TCERG1L: variants seen among roughly 807,000 people sequenced by gnomAD.
The protein encoded by TCERG1L is transcription elongation regulator 1-like protein.
Under a neutral mutation model 56.3 loss-of-function variants are expected in TCERG1L, and 37 were observed. The observed-to-expected ratio is 0.66, with a 90% CI of 0.51 to 0.87. The LOEUF is 0.87. Among genes scored for constraint, TCERG1L ranks in the 40% least tolerant of loss-of-function variants. The probability of loss-of-function intolerance (pLI) is 0.00; values close to 1 mark genes in which losing one functional copy is unlikely to be tolerated. For missense variants in TCERG1L, 799 were observed against 774.2 expected (o/e 1.03, Z -0.38); for synonymous variants, 324 against 326.3 (o/e 0.99, Z 0.08).
chr10:131,311,671 G>T lies in TCERG1L; in HGVS notation c.-36C>A, dbSNP rs1470203798. ...CGCGCTGACGGCGGCGGCGGGGGCG[G>T]CGGGCGCCCGAGATGCTGGGCCGGC... On this transcript the variant is annotated 5_prime_UTR_variant, in exon 1 of 12. Coordinates refer to ENST00000368642, the MANE Select transcript of TCERG1L (RefSeq NM_174937.4). The surrounding 1 kb of genome is among the most constrained non-coding windows in gnomAD (Gnocchi z 4.0). 15 of 1,063,482 alleles carry T rather than the reference G, an allele frequency of 1.4e-5. No homozygotes were observed. Among genetic ancestry groups the T allele is most frequent in the Non-Finnish European group, 1.7e-5 (15 of 871,372 alleles). The allele number at this position is 1,063,482 out of a possible 1,614,324, so 65.9% of individuals were successfully genotyped here.
intron 7 of TCERG1L, among the ~76,000 whole-genome samples, chr10:131,137,719 T>C (rs1049230668): frequency 1.3e-5 from 2 of 152,238 alleles, no homozygotes; most frequent in African/African-American, 4.8e-5. Context: ...GTTTTAAACA[T>C]TGGTTTGTTT....
chr10:131,124,234 T>C (rs1172705161), intron 8 of TCERG1L, among the ~76,000 whole-genome samples: 2 of 152,162 alleles, frequency 1.3e-5, no homozygotes, highest in Non-Finnish European at 2.9e-5. Context: ...GCCAGGCTCC[T>C]GAGCTGCGGG....
At chr10:131,301,238 C>T (rs995039766) in intron 3 of TCERG1L, among the ~76,000 whole-genome samples, 2 of 152,022 alleles carry the variant, frequency 1.3e-5, no homozygotes, top group African/African-American at 4.8e-5. Flanking sequence ...ACTCCTTCTG[C>T]TTTTAACAAA....
At chr10:131,176,823 C>CGTGTACACACAGGCACACACAAAG (rs1564808092) in intron 4 of TCERG1L, among the ~76,000 whole-genome samples, 7 of 3,260 alleles carry the variant, frequency 2.1e-3, no homozygotes, top group Admixed American at 0.012. Flanking sequence ...CATGCACACA[C>CGTGTACACACAGGCACACACAAAG]AGACACGTGT....
chr10:131,220,775 G>A (rs72841329), intron 4 of TCERG1L, among the ~76,000 whole-genome samples: 3,272 of 152,312 alleles, frequency 0.021, 67 homozygotes, highest in Non-Finnish European at 0.035. Flanking sequence ...CCAAACCCTT[G>A]GCAGTGGTCC....
chr10:131,296,907 G>A (rs1158372922), intron 3 of TCERG1L, among the ~76,000 whole-genome samples: 1 of 152,014 alleles, frequency 6.6e-6, no homozygotes, highest in Admixed American at 6.6e-5. Context: ...AGTAATACAG[G>A]GGTACAATTG....
At chr10:131,115,589 C>G (rs61862989) in intron 9 of TCERG1L, among the ~76,000 whole-genome samples, 10,716 of 106,634 alleles carry the variant, frequency 0.1, 474 homozygotes, top group Middle Eastern at 0.13. Context: ...ATTGCAGTCA[C>G]CAGCTCACAC....
intron 8 of TCERG1L, among the ~76,000 whole-genome samples, chr10:131,120,245 C>T (rs114334228): frequency 1.5e-3 from 222 of 152,286 alleles, no homozygotes; most frequent in African/African-American, 5.1e-3. Context: ...TCTGATTTTG[C>T]CCATGTGCAG....
intron 7 of TCERG1L, among the ~76,000 whole-genome samples, chr10:131,136,739 G>GC (rs1231229193): frequency 2.6e-5 from 4 of 151,442 alleles, no homozygotes; most frequent in African/African-American, 4.8e-5. Context: ...CAAGTGATTC[G>GC]CCCCCCTCAG....
intron 4 of TCERG1L, among the ~76,000 whole-genome samples, chr10:131,208,334 C>A (rs1455568971): frequency 1.3e-5 from 2 of 152,192 alleles, no homozygotes; most frequent in Non-Finnish European, 2.9e-5. Context: ...GAGTGCGAAG[C>A]CTCAGAGGGG....
chr10:131,182,100 G>T (rs1845185680), intron 4 of TCERG1L, among the ~76,000 whole-genome samples: 1 of 152,122 alleles, frequency 6.6e-6, no homozygotes, highest in South Asian at 2.1e-4. Flanking sequence ...CATAGCATGG[G>T]TGTGTGCATG....
rs113223912 is a variant in TCERG1L, at chr10:131,102,276, G to A, written c.1485+1989C>T. Among the ~76,000 whole-genome samples, 219 of 152,266 alleles carry A rather than the reference G, an allele frequency of 1.4e-3. 1 individual carries two copies. The highest frequency in any genetic ancestry group is 4.8e-3 in the African/African-American group (200 of 41,546). On this transcript the variant is annotated intron_variant, in intron 10 of 11. Coordinates refer to ENST00000368642, the MANE Select transcript of TCERG1L (RefSeq NM_174937.4). ...TCTGTATTCCAAGGCAGTCAATCCC[G>A]GGAACACGTCACACTGCCCGGCCTA...
chr10:131,182,552 G>A lies in TCERG1L; in HGVS notation c.857-15667C>T, dbSNP rs536964988. Among the ~76,000 whole-genome samples, 3 of 152,350 alleles carry A rather than the reference G, an allele frequency of 2.0e-5. No individual in the cohort carries two copies. The East Asian group carries it at 5.8e-4, about 29-fold the overall frequency. On this transcript the variant is annotated intron_variant, in intron 4 of 11. Transcript: ENST00000368642. ...TGCCCTTGCACAAAAGTGAACTCAT[G>A]CTTCTCGGAACTCTGCATGACCAAA... is the stretch of plus-strand genomic sequence containing the variant.
At position 131,260,713 on chromosome 10, in the gene TCERG1L, C is replaced by T. The variant is rs78918440; in HGVS notation, c.671-269G>A. Among the ~76,000 whole-genome samples the T allele has an allele frequency of 1.3e-3, 202 of 152,280 alleles. 1 individual carries two copies. In the East Asian group the frequency reaches 0.018, roughly 13 times the overall value. Reference sequence around the variant, plus strand: ...TGCAAGGCTTACAGTCACCAGGGGACGAGCCAGGACCCGGGTGCCTTAAAG... The same window carrying T: ...TGCAAGGCTTACAGTCACCAGGGGATGAGCCAGGACCCGGGTGCCTTAAAG... On this transcript the variant is annotated intron_variant, in intron 3 of 11. Coordinates refer to ENST00000368642, the MANE Select transcript of TCERG1L (RefSeq NM_174937.4). This position sits in a 1 kb window ranked among gnomAD's most constrained non-coding sequence, Gnocchi z 5.8.
intron 4 of TCERG1L, among the ~76,000 whole-genome samples, chr10:131,256,984 GGAAGGAAGGAAAGAAAGAAA>G (rs1174523174): frequency 0.018 from 1,587 of 87,948 alleles, 20 homozygotes; most frequent in Non-Finnish European, 0.027. Flanking sequence ...AAGGAAGGAA[GGAAGGAAGGAAAGAAAGAAA>G]GAAAGAAAGA....
rs528882011 is a variant in TCERG1L at position 131,226,188 on chromosome 10, G to A, written c.856+34071C>T. 8.1e-4 allele frequency among the ~76,000 whole-genome samples: 123 copies of A among 152,252 alleles called. 1 individual carries two copies. Among genetic ancestry groups the A allele is most frequent in the African/African-American group, 2.4e-3 (99 of 41,558 alleles). ...ACTCCTGGGCTCAAGCAATCCGCCC[G>A]CCTCAGCTTCCCAAAGTGCTGGGAA... is the stretch of plus-strand genomic sequence containing the variant. On this transcript the variant is annotated intron_variant, in intron 4 of 11. Coordinates refer to ENST00000368642, the MANE Select transcript of TCERG1L (RefSeq NM_174937.4).
chr10:131,179,752 G>C (rs936254500), intron 4 of TCERG1L, among the ~76,000 whole-genome samples: 1 of 152,194 alleles, frequency 6.6e-6, no homozygotes, highest in Non-Finnish European at 1.5e-5. Context: ...CACCATGACA[G>C]AAGCAGCTGC....
intron 4 of TCERG1L, among the ~76,000 whole-genome samples, chr10:131,209,483 A>C (rs945165014): frequency 6.7e-6 from 1 of 149,628 alleles, no homozygotes; most frequent in African/African-American, 2.4e-5. Context: ...TCACTGTTAG[A>C]ACTTTAATGA....
At chr10:131,112,037 C>T (rs1417024413) in intron 9 of TCERG1L, among the ~76,000 whole-genome samples, 1 of 142,784 alleles carries the variant, frequency 7.0e-6, no homozygotes, top group Non-Finnish European at 1.6e-5. Flanking sequence ...TTCTTTCTGC[C>T]TCCCCTGGTC....
Sources: gnomAD v4.1 joint callset for allele counts (sites outside exome capture counted in the v4.1 genomes callset) on GRCh38, gnomAD v4.1.1 for gene constraint, Gnocchi (gnomAD v3.1) non-coding constraint, MANE v1.5 for transcripts, NCBI Gene and HGNC (gene_info 2026-07-23, HGNC 2026-07-21) for gene names.